LPO: variants seen among roughly 807,000 people sequenced by gnomAD.
The protein encoded by LPO is salivary peroxidase.
In LPO, 70 loss-of-function variants were observed where a neutral mutation model predicts 68.4. That is an observed-to-expected ratio of 1.02 (90% CI 0.84 to 1.25). The LOEUF is 1.25. Among genes scored for constraint, LPO ranks in the 50% most tolerant of loss-of-function variants. The pLI is 0.00. For synonymous variants in LPO, 360 were observed against 357.6 expected (o/e 1.01, Z -0.08); for missense variants, 873 against 908.4 (o/e 0.96, Z 0.50).
chr17:58,250,102 A>T (rs1356280292), intron 6 of LPO, among the ~76,000 whole-genome samples: 2 of 152,126 alleles, frequency 1.3e-5, no homozygotes, highest in East Asian at 3.9e-4. Flanking sequence ...CTCGCATTTC[A>T]GAGGCAGCCT....
chr17:58,243,732 T>C, intron 2 of LPO: 1 of 530,492 alleles, frequency 1.9e-6, no homozygotes, highest in Non-Finnish European at 3.4e-6. Flanking sequence ...GTGGCCACAC[T>C]CCCTCTTCAT....
At position 58,267,911 on chromosome 17, in the gene LPO, G is replaced by A. The variant is rs373307750; in HGVS notation, c.2056G>A (p.Ala686Thr). The A allele has an allele frequency of 1.2e-6, 2 of 1,614,076 alleles. No individual in the cohort carries two copies. Among genetic ancestry groups the A allele is most frequent in the African/African-American group, 1.3e-5 (1 of 74,924 alleles). Reference sequence around the variant, plus strand: ...CAAGGTCCCACGGGACCCATTCTGGGCCAACAGCTACCCCTATGACTTCGT... The same window carrying A: ...CAAGGTCCCACGGGACCCATTCTGGACCAACAGCTACCCCTATGACTTCGT... Reference protein sequence around the residue: ...ITKVPRDPFWANSYPYDFVDC... With the variant: ...ITKVPRDPFWTNSYPYDFVDC... The change falls in exon 13 of 13, where the codon GCC (alanine) becomes ACC (threonine). Residue 686 changes from alanine to threonine, a missense_variant. Coordinates refer to ENST00000262290, the MANE Select transcript of LPO (RefSeq NM_006151.3).
intron 3 of LPO, among the ~76,000 whole-genome samples, chr17:58,246,439 C>T (rs1969853045): frequency 1.3e-5 from 2 of 152,074 alleles, no homozygotes; most frequent in Admixed American, 6.5e-5. Flanking sequence ...TGGCTAGGAC[C>T]GCGGTGGAGA....
At chr17:58,264,567 G>T (rs1326821027) in intron 9 of LPO, among the ~76,000 whole-genome samples, 155 bp from the exon 10 acceptor site, 1 of 152,234 alleles carries the variant, frequency 6.6e-6, no homozygotes, top group Non-Finnish European at 1.5e-5. Flanking sequence ...TGTCTGCTAT[G>T]CTCATAGGAA....
Position 58,249,134 on chromosome 17 carries a change from C to A in LPO, c.400C>A (p.Pro134Thr). ...GAPAPVVRCD[P>T]CSPYRTITGD... The stretch of plus-strand genomic sequence containing the variant: ...TCCTGCTCCCGTGGTGAGATGCGAC[C>A]CGTGCAGCCCTTACCGCACCATTAC... Residue 134 changes from proline (P) to threonine (T), a missense_variant, in exon 5 of 13, where the codon CCG becomes ACG. Transcript: ENST00000262290. 6.2e-6 allele frequency: 10 copies of A among 1,614,208 alleles called. No homozygotes were observed. Among genetic ancestry groups the A allele is most frequent in the Non-Finnish European group, 8.5e-6 (10 of 1,180,040 alleles).
At chr17:58,266,041 G>A in intron 10 of LPO, 112 bp from the exon 11 acceptor site, 2 of 1,022,650 alleles carry the variant, frequency 2.0e-6, no homozygotes, top group Non-Finnish European at 2.9e-6. Flanking sequence ...GGGATGTCCA[G>A]GTGACCCACA....
chr17:58,251,643 C>A (rs1049338475), intron 7 of LPO: 8 of 347,324 alleles, frequency 2.3e-5, no homozygotes, highest in Admixed American at 7.6e-5. Flanking sequence ...TGGAATGAAG[C>A]CAATGATCTG....
chr17:58,246,777 A>G (rs1033419346), intron 3 of LPO, among the ~76,000 whole-genome samples: 2 of 152,196 alleles, frequency 1.3e-5, no homozygotes, highest in African/African-American at 4.8e-5. Flanking sequence ...GTGCAGATGC[A>G]GCTCTGGGGG....
chr17:58,266,209 C>T lies in LPO; in HGVS notation c.1576C>T (p.Gln526Ter), dbSNP rs745616845. 2 of 1,614,120 alleles carry T rather than the reference C, an allele frequency of 1.2e-6. No homozygotes were observed. Among genetic ancestry groups the T allele is most frequent in the South Asian group, 1.1e-5 (1 of 91,074 alleles). ...GGCCAAGAAATCCAAGCTGATGAAA[C>T]AGAATAAAATGATGACTGGAGAGCT... ...LLAKKSKLMK[Q>*]NKMMTGELRN... The change falls in exon 11 of 13, where the codon CAG (glutamine) becomes TAG (stop). Residue 526 changes from glutamine (Q) to a stop codon, truncating the protein, a stop_gained. Transcript: ENST00000262290. LOFTEE classifies it high-confidence loss of function.
chr17:58,250,533 C>T lies in LPO; in HGVS notation c.692C>T (p.Ala231Val), dbSNP rs756019710. 1.4e-5 allele frequency: 23 copies of T among 1,614,012 alleles called. No homozygotes were observed. In the Admixed American group the frequency reaches 3.3e-4, roughly 23 times the overall value. Reference protein sequence around the residue: ...GQIVDHDLDFAPDTELGSSEY... With the variant: ...GQIVDHDLDFVPDTELGSSEY... ...ATTGTGGATCATGACCTGGACTTTG[C>T]CCCTGACACCGAGCTGGGGAGTAGC... Residue 231 changes from alanine (A) to valine (V), a missense_variant, in exon 7 of 13, where the codon GCC becomes GTC. Transcript: ENST00000262290.
Position 58,243,073 on chromosome 17 carries a change from C to T in LPO, c.76+18C>T, listed in dbSNP as rs769796911. The T allele has an allele frequency of 3.5e-5, 56 of 1,612,442 alleles. No individual in the cohort carries two copies. Among genetic ancestry groups the T allele is most frequent in the East Asian group, 6.7e-5 (3 of 44,876 alleles). On this transcript the variant is annotated intron_variant, in intron 2 of 12. Coordinates refer to ENST00000262290, the MANE Select transcript of LPO (RefSeq NM_006151.3). ...CACAAGAGGTGAGTGTCTCCCTTTA[C>T]GGGTTTTCTGGGGCTGCTGTCACAA...
chr17:58,268,012 G>A lies in LPO; in HGVS notation c.*18G>A. 6.2e-7 allele frequency: 1 copy of A among 1,612,338 alleles called. No individual in the cohort carries two copies. The highest frequency in any genetic ancestry group is 8.5e-7 in the Non-Finnish European group (1 of 1,179,808). ...AGAATTAGGGGCCCGCGCTGCACAG[G>A]AAAGTTCCCTTTGGTCCACAGGGCC... On this transcript the variant is annotated 3_prime_UTR_variant, in exon 13 of 13. Coordinates refer to ENST00000262290, the MANE Select transcript of LPO (RefSeq NM_006151.3).
Position 58,247,634 on chromosome 17 carries a change from C to T in LPO, c.321C>T (p.Val107=), listed in dbSNP as rs775527477. The T allele has an allele frequency of 1.7e-5, 27 of 1,613,136 alleles. No individual in the cohort carries two copies. The highest frequency in any genetic ancestry group is 2.3e-5 in the Non-Finnish European group (27 of 1,179,432). Residue 107 remains valine, a synonymous_variant, in exon 4 of 13, where the codon GTC becomes GTT. Coordinates refer to ENST00000262290, the MANE Select transcript of LPO (RefSeq NM_006151.3). ...RLRQKASLTN[V]TDPSLDLTSL... ...GGCAGAAGGCATCCTTGACCAATGTCACAGGTACAGAAAACCCACCAGCCC... is the reference window on the plus strand; with the variant it reads ...GGCAGAAGGCATCCTTGACCAATGTTACAGGTACAGAAAACCCACCAGCCC...
At chr17:58,264,581 G>A (rs952881611) in intron 9 of LPO, 141 bp from the exon 10 acceptor site, 2 of 763,680 alleles carry the variant, frequency 2.6e-6, no homozygotes, top group Non-Finnish European at 4.4e-6. Context: ...ATAGGAATGG[G>A]AACTGGGCAC....
chr17:58,249,858 G>C (rs1053691061), intron 6 of LPO, among the ~76,000 whole-genome samples, 163 bp downstream of exon 6: 8 of 152,224 alleles, frequency 5.3e-5, no homozygotes, highest in African/African-American at 1.9e-4. Flanking sequence ...AGCAGAGCTC[G>C]GAGCCCGGAG....
chr17:58,267,900 A>G lies in LPO; in HGVS notation c.2045A>G (p.Asp682Gly). 6.2e-7 allele frequency: 1 copy of G among 1,613,912 alleles called. No homozygotes were observed. Among genetic ancestry groups the G allele is most frequent in the South Asian group, 1.1e-5 (1 of 91,068 alleles). ...ACCCGCATCACCAAGGTCCCACGGG[A>G]CCCATTCTGGGCCAACAGCTACCCC... ...DNTRITKVPRDPFWANSYPYD... is the reference protein window; with the variant it reads ...DNTRITKVPRGPFWANSYPYD... The change falls in exon 13 of 13, where the codon GAC becomes GGC. Residue 682 changes from aspartate to glycine, a missense_variant. Coordinates refer to ENST00000262290, the MANE Select transcript of LPO (RefSeq NM_006151.3).
rs774847591 is a variant in LPO, at chr17:58,267,386, G to A, written c.1731G>A (p.Gln577=). ...NSWRAFCDLS[Q]PQTLEELNTV... ...GGAGAGCCTTCTGTGACCTCTCACA[G>A]CCGCAGACACTAGAGGAGTTGAACA... Residue 577 remains glutamine, a synonymous_variant, in exon 12 of 13, where the codon CAG becomes CAA. Coordinates refer to ENST00000262290, the MANE Select transcript of LPO (RefSeq NM_006151.3). 5.0e-6 allele frequency: 8 copies of A among 1,614,218 alleles called. No individual in the cohort carries two copies. The South Asian group carries it at 7.7e-5, about 16-fold the overall frequency.
rs954869843 is a variant in LPO, at chr17:58,268,030, A to G, written c.*36A>G. 2 of 1,605,236 alleles carry G rather than the reference A, an allele frequency of 1.2e-6. No individual in the cohort carries two copies. The highest frequency in any genetic ancestry group is 1.7e-6 in the Non-Finnish European group (2 of 1,174,144). ...TGCACAGGAAAGTTCCCTTTGGTCC[A>G]CAGGGCCATTTCAAGCAAGTTCAAT... On this transcript the variant is annotated 3_prime_UTR_variant, in exon 13 of 13. Coordinates refer to ENST00000262290, the MANE Select transcript of LPO (RefSeq NM_006151.3).
At chr17:58,252,606 A>T (rs1352729590) in intron 8 of LPO, 100 bp downstream of exon 8, 1 of 1,193,460 alleles carries the variant, frequency 8.4e-7, no homozygotes, top group Non-Finnish European at 1.2e-6. Context: ...AAAAATGCAC[A>T]CTGAGCCATT....
Sources: gnomAD v4.1 joint callset for allele counts (sites outside exome capture counted in the v4.1 genomes callset) on GRCh38, gnomAD v4.1.1 for gene constraint, MANE v1.5 for transcripts, NCBI Gene and HGNC (gene_info 2026-07-23, HGNC 2026-07-21) for gene names.